DLG2: variants seen among roughly 807,000 people sequenced by gnomAD.
The protein encoded by DLG2 is disks large homolog 2.
Under a neutral mutation model 132.5 loss-of-function variants are expected in DLG2, and 45 were observed. That is an observed-to-expected ratio of 0.34 (90% CI 0.27 to 0.44). The LOEUF is 0.44. Ranked by LOEUF, DLG2 falls within the 20% of genes least tolerant of loss-of-function variation. The pLI is 1.00. For missense variants in DLG2, 1,045 were observed against 1,196.9 expected (o/e 0.87, Z 1.87); for synonymous variants, 424 against 419.6 (o/e 1.01, Z -0.13).
intron 18 of DLG2, among the ~76,000 whole-genome samples, chr11:83,684,899 A>G (rs1365894927): frequency 6.6e-6 from 1 of 152,136 alleles, no homozygotes; most frequent in African/African-American, 2.4e-5. Flanking sequence ...ACGAATAATC[A>G]TAATTTTATA....
chr11:85,261,385 C>T (rs776474379), intron 4 of DLG2, among the ~76,000 whole-genome samples: 2 of 152,000 alleles, frequency 1.3e-5, no homozygotes. Context: ...CATCCCCCAC[C>T]CCCACCACAC....
chr11:84,759,232 C>A (rs1177284091), intron 6 of DLG2, among the ~76,000 whole-genome samples: 1 of 152,068 alleles, frequency 6.6e-6, no homozygotes, highest in Non-Finnish European at 1.5e-5. Flanking sequence ...CAGTCTAACA[C>A]CTGGAGATAT....
At chr11:84,165,787 A>G (rs2095648352) in intron 8 of DLG2, among the ~76,000 whole-genome samples, 1 of 152,146 alleles carries the variant, frequency 6.6e-6, no homozygotes, top group Non-Finnish European at 1.5e-5. Context: ...AGTCCCAGCT[A>G]CTTCAGAGGC....
At chr11:84,421,887 T>G (rs1296383267) in intron 7 of DLG2, among the ~76,000 whole-genome samples, 1 of 152,322 alleles carries the variant, frequency 6.6e-6, no homozygotes, top group Middle Eastern at 3.4e-3. Flanking sequence ...CCTGTCAAAC[T>G]TCTTATGTTA....
At chr11:84,182,563 C>T (rs977856999) in intron 8 of DLG2, among the ~76,000 whole-genome samples, 4 of 149,194 alleles carry the variant, frequency 2.7e-5, no homozygotes, top group African/African-American at 5.0e-5. Context: ...AAAAGAATAG[C>T]AAATAGAATG....
chr11:85,565,231 T>C (rs1487914675), intron 3 of DLG2, among the ~76,000 whole-genome samples: 2 of 152,094 alleles, frequency 1.3e-5, no homozygotes, highest in African/African-American at 2.4e-5. Context: ...CTTACTACAC[T>C]GGCTAGGTTC....
At chr11:84,673,495 A>G (rs1463690747) in intron 6 of DLG2, among the ~76,000 whole-genome samples, 2 of 151,920 alleles carry the variant, frequency 1.3e-5, no homozygotes, top group Non-Finnish European at 2.9e-5. Flanking sequence ...ATTATAAATA[A>G]GTGCCTACCA....
At chr11:84,421,298 A>T (rs764247419) in intron 7 of DLG2, among the ~76,000 whole-genome samples, 4 of 152,192 alleles carry the variant, frequency 2.6e-5, no homozygotes, top group Non-Finnish European at 5.9e-5. Flanking sequence ...CAAACTGATT[A>T]AGACAGGCTT....
At chr11:85,151,928 A>G (rs2077283964) in intron 5 of DLG2, among the ~76,000 whole-genome samples, 1 of 152,228 alleles carries the variant, frequency 6.6e-6, no homozygotes, top group Non-Finnish European at 1.5e-5. Context: ...GTAAACATAT[A>G]GAGACAAAGG....
chr11:84,340,637 G>A (rs1326895767), intron 7 of DLG2, among the ~76,000 whole-genome samples: 1 of 152,170 alleles, frequency 6.6e-6, no homozygotes, highest in Non-Finnish European at 1.5e-5. Flanking sequence ...CACCTGGCCA[G>A]TAAACAGTAG....
intron 7 of DLG2, among the ~76,000 whole-genome samples, chr11:84,364,169 A>G (rs1262855286): frequency 2.0e-5 from 3 of 151,556 alleles, no homozygotes; most frequent in Non-Finnish European, 4.4e-5. Context: ...ATTTGTTTGT[A>G]TCCTCTTTTA....
At chr11:83,980,665 G>A in intron 11 of DLG2, 23 bp from the exon 12 acceptor site, 1 of 1,525,660 alleles carries the variant, frequency 6.6e-7, no homozygotes, top group South Asian at 1.3e-5. Context: ...AACAGAAAAT[G>A]GAAAGCCTTG....
intron 7 of DLG2, among the ~76,000 whole-genome samples, chr11:84,451,559 T>C (rs17807340): frequency 0.022 from 3,383 of 151,922 alleles, 61 homozygotes; most frequent in Non-Finnish European, 0.035. Flanking sequence ...CGGGAGTATA[T>C]ATGTCTAATA....
At chr11:85,141,470 C>T (rs2076473849) in intron 5 of DLG2, among the ~76,000 whole-genome samples, 1 of 151,528 alleles carries the variant, frequency 6.6e-6, no homozygotes, top group African/African-American at 2.4e-5. Flanking sequence ...GGTTATTAAT[C>T]TATTATCACA....
chr11:83,510,830 G>GTTTTTTTTT (rs566973328), intron 21 of DLG2, among the ~76,000 whole-genome samples: 1 of 88,774 alleles, frequency 1.1e-5, no homozygotes, highest in Non-Finnish European at 2.1e-5. Context: ...TGAACCATCC[G>GTTTTTTTTT]TTTTTTTTTT....
At chr11:83,585,552 C>A (rs2097069812) in intron 19 of DLG2, among the ~76,000 whole-genome samples, 1 of 152,182 alleles carries the variant, frequency 6.6e-6, no homozygotes, top group Non-Finnish European at 1.5e-5. Context: ...ATTTAATAAT[C>A]ATCTCTTGTG....
chr11:84,417,718 C>G (rs917114184), intron 7 of DLG2, among the ~76,000 whole-genome samples: 3 of 152,190 alleles, frequency 2.0e-5, no homozygotes, highest in African/African-American at 7.2e-5. Flanking sequence ...TCACTGGATG[C>G]CTCTGCCTTC....
intron 7 of DLG2, among the ~76,000 whole-genome samples, chr11:84,305,930 T>C (rs1220135360): frequency 6.6e-6 from 1 of 152,186 alleles, no homozygotes; most frequent in East Asian, 1.9e-4. Context: ...AAGATTAATG[T>C]ATGGTATGGC....
intron 3 of DLG2, chr11:85,453,801 G>C (rs762539294): frequency 6.6e-6 from 1 of 152,002 alleles, no homozygotes; most frequent in Non-Finnish European, 1.5e-5. Flanking sequence ...AATTTTATTT[G>C]GGTTTAGGGG....
Sources: gnomAD v4.1 joint callset for allele counts (sites outside exome capture counted in the v4.1 genomes callset) on GRCh38, gnomAD v4.1.1 for gene constraint, MANE v1.5 for transcripts, NCBI Gene and HGNC (gene_info 2026-07-23, HGNC 2026-07-21) for gene names.